The following TEX11 variants were observed in gnomAD, a reference collection of about 807,000 sequenced individuals.
TEX11 encodes the protein testis-expressed protein 11.
In TEX11, 7 loss-of-function variants were observed where a neutral mutation model predicts 84.4. That is an observed-to-expected ratio of 0.08 (90% CI 0.05 to 0.16). The LOEUF is 0.16. TEX11 is among the 10% of genes least tolerant of loss of function. The pLI is 1.00. For missense variants in TEX11, 551 were observed against 660.5 expected, an observed-to-expected ratio of 0.83 and a Z score of 1.82; for synonymous variants, 264 against 222.8, an observed-to-expected ratio of 1.18 and a Z score of -1.64.
intron 11 of TEX11, among the ~76,000 whole-genome samples, chrX:70,731,051 C>T (rs997894578): frequency 8.9e-6 from 1 of 111,930 alleles, no homozygotes; most frequent in Non-Finnish European, 1.9e-5. Flanking sequence ...TCCTGAATGA[C>T]TACTGGGTAC....
In TEX11 at chrX:70,873,245, T is replaced by C. The variant is rs1165719349; in HGVS notation, c.222A>G (p.Val74=). ...TACATCTAATTTTCTGCTCTTCATTTACAAGCCAACCTCCTCCTATGGTAA... is the reference window on the plus strand; with the variant it reads ...TACATCTAATTTTCTGCTCTTCATTCACAAGCCAACCTCCTCCTATGGTAA... ...WALTIGGGWL[V]NEEQKIRLHY... is the part of the protein sequence containing the mutation. The change falls in exon 4 of 30, where the codon GTA becomes GTG. Residue 74 remains valine, a synonymous_variant. Coordinates refer to ENST00000374333, the MANE Select transcript of TEX11 (RefSeq NM_031276.3). The C allele has an allele frequency of 8.4e-7, 1 of 1,194,255 alleles. No individual in the cohort carries two copies. The highest frequency in any genetic ancestry group is 2.2e-5 in the Admixed American group (1 of 45,994).
chrX:70,738,632 G>A (rs2090713127), intron 11 of TEX11, among the ~76,000 whole-genome samples: 1 of 111,947 alleles, frequency 8.9e-6, no homozygotes, highest in African/African-American at 3.2e-5. Flanking sequence ...TCATTCTGCT[G>A]TAAAGACACA....
chrX:70,584,275 G>A (rs1472898254), intron 25 of TEX11, among the ~76,000 whole-genome samples: 2 of 99,965 alleles, frequency 2.0e-5, no homozygotes, highest in Non-Finnish European at 4.0e-5. Context: ...GGGCGACAGA[G>A]CGAGACTCCG....
chrX:70,616,081 A>C (rs1317403068), intron 20 of TEX11, among the ~76,000 whole-genome samples: 3 of 111,590 alleles, frequency 2.7e-5, no homozygotes, highest in Non-Finnish European at 5.6e-5. Context: ...AGAAAAAAGC[A>C]TCTGAAGGTA....
chrX:70,605,737 C>T lies in TEX11; in HGVS notation c.1951-220G>A, dbSNP rs774988845. ...GTACCTTCCTAGAGATAAAAAGCTT[C>T]ATTTCTTCACAGTATTCCTATCTTT... On this transcript the variant is annotated intron_variant, in intron 23 of 29. Coordinates refer to ENST00000374333, the MANE Select transcript of TEX11 (RefSeq NM_031276.3). Among the ~76,000 whole-genome samples, 6 of 112,211 alleles carry T rather than the reference C, an allele frequency of 5.3e-5. No homozygotes were observed. In the South Asian group the frequency reaches 2.2e-3, roughly 41 times the overall value.
intron 13 of TEX11, among the ~76,000 whole-genome samples, chrX:70,697,522 A>G (rs1429560478): frequency 8.9e-6 from 1 of 111,963 alleles, no homozygotes; most frequent in Non-Finnish European, 1.9e-5. Context: ...TGTTAGTAAA[A>G]CTGTCTTGCA....
chrX:70,805,459 G>A (rs1466879989), intron 9 of TEX11, among the ~76,000 whole-genome samples: 2 of 107,060 alleles, frequency 1.9e-5, no homozygotes, highest in Non-Finnish European at 3.9e-5. Flanking sequence ...GGAGTGCAGC[G>A]GTGCGATATC....
chrX:70,567,986 T>A (rs2088518563), intron 25 of TEX11, among the ~76,000 whole-genome samples: 1 of 111,444 alleles, frequency 9.0e-6, no homozygotes, highest in Non-Finnish European at 1.9e-5. Context: ...CGTTGAACTG[T>A]CTAATATTTA....
intron 13 of TEX11, among the ~76,000 whole-genome samples, chrX:70,693,332 A>G (rs975674954): frequency 1.8e-5 from 2 of 112,075 alleles, no homozygotes; most frequent in Admixed American, 1.9e-4. Flanking sequence ...GTGAGGTGAT[A>G]TCTCATGTGG....
chrX:70,525,259 GT>G (rs1231194192), downstream of TEX11, among the ~76,000 whole-genome samples: 1 of 110,765 alleles, frequency 9.0e-6, no homozygotes, highest in Non-Finnish European at 1.9e-5. Flanking sequence ...AGACTTAGAA[GT>G]TTTCATTCTT....
chrX:70,697,424 A>T (rs1018102969), intron 13 of TEX11, among the ~76,000 whole-genome samples: 4 of 111,664 alleles, frequency 3.6e-5, no homozygotes, highest in Non-Finnish European at 7.5e-5. Context: ...CCAATATACC[A>T]CATGTCACCT....
chrX:70,750,064 G>A (rs1288175491), intron 9 of TEX11, among the ~76,000 whole-genome samples: 8 of 110,522 alleles, frequency 7.2e-5, no homozygotes, highest in African/African-American at 1.3e-4. Context: ...AAGAACTCAA[G>A]CAAATTTACA....
At chrX:70,769,454 C>T (rs920741295) in intron 9 of TEX11, among the ~76,000 whole-genome samples, 2 of 111,449 alleles carry the variant, frequency 1.8e-5, no homozygotes, top group African/African-American at 3.3e-5. Context: ...AACTATGTGC[C>T]CTCAAACAAG....
intron 8 of TEX11, among the ~76,000 whole-genome samples, chrX:70,821,414 T>C (rs1193441948): frequency 3.6e-5 from 4 of 111,244 alleles, no homozygotes; most frequent in Non-Finnish European, 7.6e-5. Context: ...TCCCTTTTGC[T>C]GTTGTCATGA....
intron 9 of TEX11, among the ~76,000 whole-genome samples, chrX:70,778,898 T>C (rs2091018749): frequency 9.0e-6 from 1 of 110,520 alleles, no homozygotes; most frequent in Non-Finnish European, 1.9e-5. Flanking sequence ...AATCAGCAGG[T>C]CAATGAATAA....
intron 20 of TEX11, among the ~76,000 whole-genome samples, chrX:70,620,603 C>A (rs755709721): frequency 6.0e-4 from 67 of 112,005 alleles, no homozygotes; most frequent in Non-Finnish European, 1.1e-3. Flanking sequence ...CAATCATGCT[C>A]CTCGGTATTA....
chrX:70,839,864 C>T (rs2091431270), intron 7 of TEX11, among the ~76,000 whole-genome samples: 1 of 111,405 alleles, frequency 9.0e-6, no homozygotes, highest in South Asian at 3.8e-4. Flanking sequence ...GTAGCCGATG[C>T]GATCAACTGG....
intron 28 of TEX11, among the ~76,000 whole-genome samples, chrX:70,535,653 T>C (rs1029803172): frequency 1.8e-5 from 2 of 109,427 alleles, no homozygotes; most frequent in African/African-American, 6.7e-5. Context: ...GAGGCTGAGG[T>C]GGGAGGATCT....
chrX:70,831,574 A>AGC (rs2091376914), intron 8 of TEX11, among the ~76,000 whole-genome samples: 1 of 111,472 alleles, frequency 9.0e-6, no homozygotes, highest in African/African-American at 3.3e-5. Flanking sequence ...GGCTGCAGTG[A>AGC]GCCAGGATCA....
Sources: gnomAD v4.1 joint callset for allele counts (sites outside exome capture counted in the v4.1 genomes callset) on GRCh38, gnomAD v4.1.1 for gene constraint, MANE v1.5 for transcripts, NCBI Gene and HGNC (gene_info 2026-07-23, HGNC 2026-07-21) for gene names.